The following HEPH variants were observed in gnomAD, a reference collection of about 807,000 sequenced individuals.
HEPH encodes the protein hephaestin.
HEPH carries 69 observed loss-of-function variants against 80.8 expected under a neutral mutation model. The ratio of observed to expected loss-of-function variants is 0.85; its 90% confidence interval spans 0.70 to 1.04. The LOEUF is 1.04. HEPH is among the 50% of genes least tolerant of loss of function. The probability of loss-of-function intolerance (pLI) is 0.00; values close to 1 mark genes in which losing one functional copy is unlikely to be tolerated. For missense variants in HEPH, 1,115 were observed against 891.3 expected (o/e 1.25, Z -3.20); for synonymous variants, 431 against 322.8 (o/e 1.34, Z -3.60).
chrX:66,263,864 C>G (rs2091443480), intron 20 of HEPH, among the ~76,000 whole-genome samples, 176 bp downstream of exon 20: 2 of 110,943 alleles, frequency 1.8e-5, no homozygotes, highest in Admixed American at 1.9e-4. Context: ...TTTAGCTTCC[C>G]TCAGCAGGTT....
chrX:66,176,647 C>A (rs1050063726), intron 4 of HEPH, among the ~76,000 whole-genome samples: 4 of 111,030 alleles, frequency 3.6e-5, no homozygotes, highest in Non-Finnish European at 7.6e-5. Context: ...TATCCCTCCC[C>A]CCTCTCCCCA....
At position 66,209,255 on chromosome X, in the gene HEPH, T is replaced by C. The variant is rs1406805631; in HGVS notation, c.2563+1009T>C. On this transcript the variant is annotated intron_variant, in intron 15 of 20. Transcript: ENST00000343002. The stretch of plus-strand genomic sequence containing the variant: ...CTAATGTTTGAATAGTCAGGAATGG[T>C]TTTCCAGATTAGGTGATATCTCAGC... Among the ~76,000 whole-genome samples the C allele has an allele frequency of 3.6e-5, 4 of 112,129 alleles. No individual in the cohort carries two copies. The Admixed American group carries it at 3.8e-4, about 11-fold the overall frequency.
chrX:66,221,578 G>A (rs180675442), intron 15 of HEPH, among the ~76,000 whole-genome samples: 2 of 112,686 alleles, frequency 1.8e-5, no homozygotes, highest in African/African-American at 3.2e-5. Context: ...CTGCCTAGTT[G>A]TTTTGAAAGC....
At chrX:66,172,227 C>T (rs2086622310) in intron 2 of HEPH, 128 bp from the exon 3 acceptor site, 1 of 579,970 alleles carries the variant, frequency 1.7e-6, no homozygotes, top group Non-Finnish European at 2.6e-6. Context: ...TTGATCAGTA[C>T]AATGCCATTT....
chrX:66,203,589 T>C lies in HEPH; in HGVS notation c.2291+12T>C. ...TCTGAGAAGGACAGGTAAGGCTTCA[T>C]AAATGGAGAGATTACACTTTTAGAA... On this transcript the variant is annotated intron_variant, in intron 13 of 20. Transcript: ENST00000343002. The C allele has an allele frequency of 1.7e-6, 2 of 1,188,740 alleles. No individual in the cohort carries two copies.
intron 15 of HEPH, among the ~76,000 whole-genome samples, chrX:66,233,693 C>A (rs757492770): frequency 7.3e-5 from 8 of 109,636 alleles, no homozygotes; most frequent in Non-Finnish European, 1.3e-4. Flanking sequence ...TTTTGTCTTT[C>A]TCAAGGAAAC....
intron 15 of HEPH, among the ~76,000 whole-genome samples, chrX:66,220,079 G>A (rs2089575920): frequency 9.0e-6 from 1 of 110,933 alleles, no homozygotes; most frequent in African/African-American, 3.3e-5. Flanking sequence ...GAGGCTTTTA[G>A]GACCCAAAAG....
At chrX:66,225,001 G>A (rs1252122308) in intron 15 of HEPH, among the ~76,000 whole-genome samples, 1 of 109,402 alleles carries the variant, frequency 9.1e-6, no homozygotes, top group Non-Finnish European at 1.9e-5. Flanking sequence ...CAACCACTGT[G>A]GTGGGGGTTG....
chrX:66,223,535 T>A (rs1273235805), intron 15 of HEPH, among the ~76,000 whole-genome samples: 7 of 111,846 alleles, frequency 6.3e-5, no homozygotes, highest in African/African-American at 2.3e-4. Flanking sequence ...AGGTAAGATT[T>A]TTATAGACTC....
In HEPH at chrX:66,173,643, C is replaced by T. The variant is rs2086682180; in HGVS notation, c.467C>T (p.Pro156Leu). ...SGPLKADDSV[P>L]PGGSHIYNWT... is the part of the protein sequence containing the mutation. ...CCACTGAAAGCTGATGACTCTGTTC[C>T]CCCGGGGGGCAGCCATATCTACAAC... is the stretch of plus-strand genomic sequence containing the variant. Residue 156 changes from proline (P) to leucine (L), a missense_variant, in exon 4 of 21, where the codon CCC becomes CTC. By Grantham distance (98) the Pro-to-Leu change is moderately conservative. Coordinates refer to ENST00000343002, the MANE Select transcript of HEPH (RefSeq NM_001367233.3). The T allele has an allele frequency of 8.3e-7, 1 of 1,210,921 alleles. No homozygotes were observed. The highest frequency in any genetic ancestry group is 1.1e-6 in the Non-Finnish European group (1 of 895,095).
chrX:66,215,027 A>G (rs1298514497), intron 15 of HEPH, among the ~76,000 whole-genome samples: 2 of 111,664 alleles, frequency 1.8e-5, no homozygotes, highest in Non-Finnish European at 3.8e-5. Flanking sequence ...ATTTTGATTG[A>G]CATTGCATTA....
intron 20 of HEPH, among the ~76,000 whole-genome samples, chrX:66,264,267 G>GTAAAATATATATATTAAATATATATATA (rs1569421724): frequency 3.6e-4 from 38 of 104,755 alleles, no homozygotes; most frequent in African/African-American, 1.2e-3. Context: ...ATATATATAT[G>GTAAAATATATATATTAAATATATATATA]TAAAATATAT....
At chrX:66,254,840 G>C (rs976064819) in intron 15 of HEPH, among the ~76,000 whole-genome samples, 195 bp from the exon 16 acceptor site, 1 of 107,179 alleles carries the variant, frequency 9.3e-6, no homozygotes, top group African/African-American at 3.4e-5. Context: ...TTTGAGGATA[G>C]GGAAAGTAGA....
At chrX:66,261,163 C>T (rs770351649) in intron 19 of HEPH, among the ~76,000 whole-genome samples, 1 of 111,896 alleles carries the variant, frequency 8.9e-6, no homozygotes, top group South Asian at 3.8e-4. Context: ...CCTCCCAAAT[C>T]GCTGGGATTA....
Position 66,195,047 on chromosome X carries a change from C to A in HEPH, c.1370-51C>A, listed in dbSNP as rs768255389. On this transcript the variant is annotated intron_variant, in intron 8 of 20. Transcript: ENST00000343002. ...CTCCCTCTTCTTCCATTTCCTTCCT[C>A]CCTGTTTATCCCTTTCATCATTCTC... is the stretch of plus-strand genomic sequence containing the variant. 1.6e-5 allele frequency: 16 copies of A among 1,017,339 alleles called. No individual in the cohort carries two copies. In the Admixed American group the frequency reaches 5.1e-4, roughly 32 times the overall value. 83.8% of individuals were successfully genotyped at this position (1,017,339 alleles called of 1,213,427 possible). A position where few individuals can be genotyped will look rare whatever the true frequency, so the allele number is the denominator to read the frequency against.
At chrX:66,174,785 T>C (rs900382751) in intron 4 of HEPH, among the ~76,000 whole-genome samples, 1 of 112,260 alleles carries the variant, frequency 8.9e-6, no homozygotes, top group Non-Finnish European at 1.9e-5. Context: ...GAGGATTTTT[T>C]CATATGTTTG....
intron 4 of HEPH, among the ~76,000 whole-genome samples, chrX:66,178,552 G>T (rs2086927322): frequency 1.8e-5 from 2 of 112,244 alleles, no homozygotes; most frequent in African/African-American, 6.5e-5. Context: ...CTAGTTTGTA[G>T]TCCCACCAAC....
intron 15 of HEPH, among the ~76,000 whole-genome samples, chrX:66,237,544 G>A (rs763367016): frequency 5.4e-5 from 6 of 111,754 alleles, no homozygotes; most frequent in African/African-American, 6.5e-5. Context: ...TTCTGTGTTC[G>A]ATTATGTGGT....
intron 6 of HEPH, among the ~76,000 whole-genome samples, chrX:66,191,199 G>A (rs2087768466): frequency 1.8e-5 from 2 of 111,438 alleles, no homozygotes; most frequent in Admixed American, 9.5e-5. Context: ...GTGCAACCTT[G>A]GGCAAGTTAT....
Sources: gnomAD v4.1 joint callset for allele counts (sites outside exome capture counted in the v4.1 genomes callset) on GRCh38, gnomAD v4.1.1 for gene constraint, MANE v1.5 for transcripts, NCBI Gene and HGNC (gene_info 2026-07-23, HGNC 2026-07-21) for gene names.